The following SEH1L variants were observed in gnomAD, a reference collection of about 807,000 sequenced individuals.
SEH1L encodes the protein SEH1 like nucleoporin.
SEH1L carries 18 observed loss-of-function variants against 49.5 expected under a neutral mutation model. The ratio of observed to expected loss-of-function variants is 0.36; its 90% confidence interval spans 0.25 to 0.54. The LOEUF (loss-of-function observed/expected upper bound fraction) is 0.54. SEH1L is among the 20% of genes least tolerant of loss of function. The pLI is 0.87. For missense variants in SEH1L, 404 were observed against 528.8 expected (o/e 0.76, Z 2.31); for synonymous variants, 169 against 178.1 (o/e 0.95, Z 0.41).
At chr18:12,950,716 GC>G (rs1464403251) in intron 1 of SEH1L, among the ~76,000 whole-genome samples, 3 of 152,158 alleles carry the variant, frequency 2.0e-5, no homozygotes, top group African/African-American at 7.2e-5. Flanking sequence ...GTTTTATACC[GC>G]CAGTGATAGT....
At chr18:12,985,128 C>G in intron 8 of SEH1L, 2 of 1,221,136 alleles carry the variant, frequency 1.6e-6, no homozygotes, top group South Asian at 1.4e-5. Context: ...TGCATATTTT[C>G]TTTTGTAAAT....
At chr18:12,985,193 T>G in intron 8 of SEH1L, 1 of 1,582,300 alleles carries the variant, frequency 6.3e-7, no homozygotes, top group Non-Finnish European at 8.6e-7. Context: ...CTGTGTTAGA[T>G]CTGTGATGCA....
intron 4 of SEH1L, among the ~76,000 whole-genome samples, chr18:12,965,115 C>T (rs547025359): frequency 1.4e-5 from 2 of 142,300 alleles, no homozygotes; most frequent in African/African-American, 5.3e-5. Context: ...CTGGTTCAAG[C>T]GATTCCCCTG....
At chr18:12,975,188 C>T (rs550135828) in intron 5 of SEH1L, among the ~76,000 whole-genome samples, 1 of 152,040 alleles carries the variant, frequency 6.6e-6, no homozygotes, top group Non-Finnish European at 1.5e-5. Context: ...GATGGGGTTT[C>T]TCCATGTTGG....
chr18:12,958,252 T>C (rs2030998927), intron 3 of SEH1L, among the ~76,000 whole-genome samples: 1 of 151,528 alleles, frequency 6.6e-6, no homozygotes, highest in Admixed American at 6.6e-5. Context: ...CCTGGCTAAT[T>C]TTTTTGTGTT....
chr18:12,958,967 A>T (rs1486839616), intron 3 of SEH1L, among the ~76,000 whole-genome samples: 1 of 152,192 alleles, frequency 6.6e-6, no homozygotes, highest in East Asian at 1.9e-4. Flanking sequence ...TCCTACCAGC[A>T]ATGCTCAAGG....
chr18:12,982,416 T>A, intron 6 of SEH1L, 102 bp from the exon 7 acceptor site: 2 of 801,136 alleles, frequency 2.5e-6, no homozygotes, highest in Admixed American at 6.0e-5. Flanking sequence ...AGACCACTTG[T>A]ATTAATTTAG....
At chr18:12,985,753 G>A (rs1217958715) in intron 8 of SEH1L, 1 of 952,466 alleles carries the variant, frequency 1.0e-6, no homozygotes, top group Non-Finnish European at 1.3e-6. Flanking sequence ...ACTTTTTGTA[G>A]ATTTGCTTTA....
intron 3 of SEH1L, among the ~76,000 whole-genome samples, chr18:12,956,478 G>T (rs2030871460): frequency 6.9e-6 from 1 of 145,506 alleles, no homozygotes. Flanking sequence ...GAAAAGAACA[G>T]ATACTCATTA....
intron 6 of SEH1L, among the ~76,000 whole-genome samples, chr18:12,979,099 T>G (rs1292317390): frequency 6.6e-6 from 1 of 151,240 alleles, no homozygotes; most frequent in East Asian, 1.9e-4. Context: ...TTGATCATTC[T>G]TGGGTGTTTC....
In SEH1L at chr18:12,986,930, C is replaced by G; in HGVS notation, c.1139C>G (p.Pro380Arg). ...SRWSSYAQLL[P>R]PPPPPLVEHS... ...TGGTCCAGTTATGCCCAGCTCCTTC[C>G]TCCTCCTCCTCCTCCTCTGGTAGAG... is the stretch of plus-strand genomic sequence containing the variant. Residue 380 changes from proline (P) to arginine (R), a missense_variant, in exon 9 of 9, where the codon CCT becomes CGT. Coordinates refer to ENST00000399892, the MANE Select transcript of SEH1L (RefSeq NM_001013437.2). The G allele has an allele frequency of 7.6e-7, 1 of 1,323,014 alleles. No homozygotes were observed. The highest frequency in any genetic ancestry group is 1.0e-6 in the Non-Finnish European group (1 of 982,948). 82.0% of individuals were successfully genotyped at this position (1,323,014 alleles called of 1,614,324 possible).
Position 12,950,117 on chromosome 18 carries a change from T to G in SEH1L, c.112-1738T>G, listed in dbSNP as rs201451125. Among the ~76,000 whole-genome samples, 152 of 152,050 alleles carry G rather than the reference T, an allele frequency of 1.0e-3. 1 individual carries two copies. The highest frequency in any genetic ancestry group is 7.7e-3 in the Admixed American group (117 of 15,250). On this transcript the variant is annotated intron_variant, in intron 1 of 8. Coordinates refer to ENST00000399892, the MANE Select transcript of SEH1L (RefSeq NM_001013437.2). ...GGTGCGATCTTGGCTTGTTGCAGCC[T>G]CAACATCCCAGGTTCAAGCCATCCT...
intron 8 of SEH1L, chr18:12,985,260 CT>C: frequency 6.2e-7 from 1 of 1,609,030 alleles, no homozygotes; most frequent in Non-Finnish European, 8.5e-7. Flanking sequence ...TGAGTACAAG[CT>C]AACTGGAGTA....
chr18:12,982,449 A>G (rs562832452), intron 6 of SEH1L, 69 bp from the exon 7 acceptor site: 34 of 1,081,704 alleles, frequency 3.1e-5, no homozygotes, highest in African/African-American at 1.9e-4. Context: ...GTATATATAT[A>G]TGTGTGTGTA....
At chr18:12,958,899 A>G (rs187724135) in intron 3 of SEH1L, among the ~76,000 whole-genome samples, 315 of 152,264 alleles carry the variant, frequency 2.1e-3, no homozygotes, top group African/African-American at 5.7e-3. Context: ...TGGTAGTTCT[A>G]TGTTTCACGT....
chr18:12,953,212 T>C (rs1484364193), intron 2 of SEH1L, among the ~76,000 whole-genome samples: 1 of 152,232 alleles, frequency 6.6e-6, no homozygotes, highest in African/African-American at 2.4e-5. Context: ...GTTCCTTTGA[T>C]ACTGAGTAGT....
chr18:12,963,042 T>A, intron 3 of SEH1L, 118 bp from the exon 4 acceptor site: 1 of 680,894 alleles, frequency 1.5e-6, no homozygotes, highest in Non-Finnish European at 2.4e-6. Flanking sequence ...GTATCCAAGC[T>A]TATATACCTA....
intron 6 of SEH1L, among the ~76,000 whole-genome samples, chr18:12,980,473 T>C (rs796778825): frequency 0.17 from 2,015 of 11,710 alleles, 147 homozygotes; most frequent in African/African-American, 0.25. Context: ...GGGGGGCTGA[T>C]CCCCCAACCT....
Position 12,958,064 on chromosome 18 carries a change from C to CTTTTT in SEH1L, c.309+2488_309+2492dup, listed in dbSNP as rs57733399. Among the ~76,000 whole-genome samples, 7 of 62,036 alleles carry CTTTTT rather than the reference C, an allele frequency of 1.1e-4. 1 individual carries two copies. Among genetic ancestry groups the CTTTTT allele is most frequent in the Non-Finnish European group, 1.4e-4 (5 of 35,690 alleles). The allele number at this position is 62,036 out of a possible 152,430, so 40.7% of individuals were successfully genotyped here. ...TATAACATAATATTCCTCATTTTAA[C>CTTTTT]TTTTTTTTTTTTTTTTTTTTTTTTT... On this transcript the variant is annotated intron_variant, in intron 3 of 8. Coordinates refer to ENST00000399892, the MANE Select transcript of SEH1L (RefSeq NM_001013437.2).
Sources: allele counts gnomAD v4.1 joint callset (sites outside exome capture counted in the v4.1 genomes callset), GRCh38; gene constraint gnomAD v4.1.1; transcripts MANE v1.5; gene names NCBI Gene and HGNC (gene_info 2026-07-23, HGNC 2026-07-21).